The following DIP2B variants were observed in gnomAD, a reference collection of about 807,000 sequenced individuals.
DIP2B encodes DIP2 acetate--CoA ligase B (putative), also known as disco-interacting protein 2 homolog B.
DIP2B carries 76 observed loss-of-function variants against 198.0 expected under a neutral mutation model. That is an observed-to-expected ratio of 0.38 (90% CI 0.32 to 0.46). The LOEUF is 0.46. DIP2B is among the 20% of genes least tolerant of loss of function. DIP2B has a pLI of 0.99. For missense variants in DIP2B, 1,559 were observed against 1,978.4 expected, an observed-to-expected ratio of 0.79 and a Z score of 4.02; for synonymous variants, 701 against 739.1, an observed-to-expected ratio of 0.95 and a Z score of 0.84.
At chr12:50,730,346 CTCTT>C (rs775579419) in intron 30 of DIP2B, among the ~76,000 whole-genome samples, 7 of 151,186 alleles carry the variant, frequency 4.6e-5, no homozygotes, top group Non-Finnish European at 7.4e-5. Context: ...TTCTTTCTCT[CTCTT>C]TCTTTTTTTG....
chr12:50,505,022 CGGTGCTGGT>C lies in DIP2B; in HGVS notation c.-112_-104del, dbSNP rs1251696124. On this transcript the variant is annotated 5_prime_UTR_variant, in exon 1 of 38. Coordinates refer to ENST00000301180, the MANE Select transcript of DIP2B (RefSeq NM_173602.3). ...CTCATGGCGGCGGCGGCGGCGGCGG[CGGTGCTGGT>C]GGTGCTCGGCGGCCGGAGCCGGATC... is the stretch of plus-strand genomic sequence containing the variant. 2.9e-5 allele frequency: 29 copies of C among 1,001,170 alleles called. No homozygotes were observed. Among genetic ancestry groups the C allele is most frequent in the Non-Finnish European group, 4.0e-5 (28 of 691,972 alleles). The allele number at this position is 1,001,170 out of a possible 1,614,324, so 62.0% of individuals were successfully genotyped here. A position where few individuals can be genotyped will look rare whatever the true frequency, so the allele number is the denominator to read the frequency against.
At chr12:50,535,532 A>G (rs967145967) in intron 1 of DIP2B, among the ~76,000 whole-genome samples, 1 of 151,632 alleles carries the variant, frequency 6.6e-6, no homozygotes, top group Non-Finnish European at 1.5e-5. Context: ...ATGCCCGGCT[A>G]ATTTTTGTAT....
At chr12:50,581,983 G>A (rs543543877) in intron 1 of DIP2B, among the ~76,000 whole-genome samples, 38 of 152,100 alleles carry the variant, frequency 2.5e-4, no homozygotes, top group Middle Eastern at 6.8e-3. Flanking sequence ...CTGAATCCTC[G>A]AGTTAGGCCC....
chr12:50,628,027 A>G (rs1421300538), intron 2 of DIP2B, among the ~76,000 whole-genome samples: 1 of 152,208 alleles, frequency 6.6e-6, no homozygotes, highest in Non-Finnish European at 1.5e-5. Flanking sequence ...CAGTGAGAGC[A>G]GTCTACCTGG....
chr12:50,686,159 C>T (rs1939127011), intron 11 of DIP2B, among the ~76,000 whole-genome samples: 1 of 152,210 alleles, frequency 6.6e-6, no homozygotes, highest in African/African-American at 2.4e-5. Context: ...CCCAAAGTCA[C>T]AGCTAATAAA....
chr12:50,538,042 T>G (rs1200253257), intron 1 of DIP2B, among the ~76,000 whole-genome samples: 1 of 152,196 alleles, frequency 6.6e-6, no homozygotes, highest in African/African-American at 2.4e-5. Flanking sequence ...TATTTTACTT[T>G]ACTATTACTT....
At chr12:50,696,213 G>A (rs1354266218) in intron 16 of DIP2B, among the ~76,000 whole-genome samples, 1 of 152,142 alleles carries the variant, frequency 6.6e-6, no homozygotes, top group East Asian at 1.9e-4. Context: ...TCCTGCCCCA[G>A]CCCTAGATGA....
chr12:50,742,223 C>A (rs1940257592), intron 37 of DIP2B, among the ~76,000 whole-genome samples: 1 of 151,604 alleles, frequency 6.6e-6, no homozygotes, highest in African/African-American at 2.4e-5. Flanking sequence ...CATGGTAAAA[C>A]CCCATCTCTA....
At chr12:50,710,486 C>T (rs1312858509) in intron 22 of DIP2B, among the ~76,000 whole-genome samples, 4 of 151,746 alleles carry the variant, frequency 2.6e-5, no homozygotes, top group African/African-American at 7.3e-5. Flanking sequence ...TGCAATGGCA[C>T]GATCTTGACT....
intron 27 of DIP2B, 88 bp from the exon 28 acceptor site, chr12:50,724,687 A>G (rs1372258848): frequency 9.3e-7 from 1 of 1,078,510 alleles, no homozygotes; most frequent in East Asian, 2.5e-5. Flanking sequence ...AGTGTGGTAC[A>G]TGAGTGGCTT....
At chr12:50,574,662 G>C (rs529049768) in intron 1 of DIP2B, among the ~76,000 whole-genome samples, 1 of 152,344 alleles carries the variant, frequency 6.6e-6, no homozygotes, top group East Asian at 1.9e-4. Flanking sequence ...TGTTACAACT[G>C]GTGGACCTCG....
Position 50,671,312 on chromosome 12 carries a change from C to A in DIP2B, c.554C>A (p.Ser185Tyr). The A allele has an allele frequency of 6.2e-7, 1 of 1,614,162 alleles. No homozygotes were observed. Among genetic ancestry groups the A allele is most frequent in the Non-Finnish European group, 8.5e-7 (1 of 1,180,028 alleles). The change falls in exon 5 of 38, where the codon TCT (serine) becomes TAT (tyrosine). Residue 185 changes from serine (S) to tyrosine (Y), a missense_variant. Coordinates refer to ENST00000301180, the MANE Select transcript of DIP2B (RefSeq NM_173602.3). The stretch of plus-strand genomic sequence containing the variant: ...CGTTCAATTCAGGGATCGTCCACTT[C>A]TTCATCCGCATCTTCTACGCTGTCC... The part of the protein sequence containing the change: ...INRSIQGSST[S>Y]SSASSTLSHG...
intron 1 of DIP2B, among the ~76,000 whole-genome samples, chr12:50,594,554 A>G (rs1173970760): frequency 6.6e-6 from 1 of 152,168 alleles, no homozygotes; most frequent in Non-Finnish European, 1.5e-5. Context: ...TAAAGTCAAT[A>G]CGTATTAGTG....
At chr12:50,733,084 T>G (rs1940074064) in intron 32 of DIP2B, among the ~76,000 whole-genome samples, 1 of 151,750 alleles carries the variant, frequency 6.6e-6, no homozygotes, top group Non-Finnish European at 1.5e-5. Context: ...TTTTGTATTT[T>G]TAGTAGAGAC....
chr12:50,518,014 G>C (rs1958081048), intron 1 of DIP2B, among the ~76,000 whole-genome samples: 2 of 152,306 alleles, frequency 1.3e-5, no homozygotes, highest in South Asian at 4.1e-4. Context: ...TGCCTGGCTA[G>C]TAAGTAGGTG....
At chr12:50,691,020 T>C (rs1361943901) in intron 12 of DIP2B, 29 bp from the exon 13 acceptor site, 1 of 1,593,784 alleles carries the variant, frequency 6.3e-7, no homozygotes, top group Non-Finnish European at 8.6e-7. Flanking sequence ...TTTTATTGTG[T>C]TTCTTATGTT....
intron 2 of DIP2B, among the ~76,000 whole-genome samples, chr12:50,639,911 G>A (rs1467566640): frequency 6.6e-6 from 1 of 152,162 alleles, no homozygotes; most frequent in Non-Finnish European, 1.5e-5. Flanking sequence ...GAGTAGAATG[G>A]TGGTTGCCAG....
chr12:50,713,040 T>G (rs4768906), intron 22 of DIP2B, among the ~76,000 whole-genome samples: 43,742 of 152,188 alleles, frequency 0.29, 6,561 homozygotes, highest in East Asian at 0.41. Context: ...CAACCTGAAG[T>G]CCAGGTCGGC....
intron 1 of DIP2B, among the ~76,000 whole-genome samples, chr12:50,607,897 G>A (rs1170481011): frequency 6.6e-6 from 1 of 152,188 alleles, no homozygotes; most frequent in Non-Finnish European, 1.5e-5. Context: ...GGATTCAAGT[G>A]ATTCTCCTGC....
Sources: allele counts gnomAD v4.1 joint callset (sites outside exome capture counted in the v4.1 genomes callset), GRCh38; gene constraint gnomAD v4.1.1; transcripts MANE v1.5; gene names NCBI Gene and HGNC (gene_info 2026-07-23, HGNC 2026-07-21).